GPHN: variants seen among roughly 807,000 people sequenced by gnomAD.
The protein encoded by GPHN is gephyrin.
In GPHN, 17 loss-of-function variants were observed where a neutral mutation model predicts 95.5. That is an observed-to-expected ratio of 0.18 (90% CI 0.12 to 0.27). GPHN has a LOEUF of 0.27. Among genes scored for constraint, GPHN ranks in the 10% least tolerant of loss-of-function variants. The pLI is 1.00. For missense variants in GPHN, 660 were observed against 978.1 expected (o/e 0.67, Z 4.34); for synonymous variants, 320 against 322.5 (o/e 0.99, Z 0.08).
chr14:67,688,285 G>A, the GPHN span, among the ~76,000 whole-genome samples: 2 of 152,002 alleles, frequency 1.3e-5, no homozygotes, highest in Admixed American at 1.3e-4. Flanking sequence ...ACAACAAAAA[G>A]GAAACAATCC....
At chr14:66,900,454 T>C (rs1229051291) in intron 5 of GPHN, among the ~76,000 whole-genome samples, 4 of 146,412 alleles carry the variant, frequency 2.7e-5, no homozygotes, top group African/African-American at 7.4e-5. Flanking sequence ...ATTTTTTTCT[T>C]TTTTTTTTAA....
the GPHN span, among the ~76,000 whole-genome samples, chr14:67,508,953 GAATT>G: frequency 6.6e-6 from 1 of 151,944 alleles, no homozygotes; most frequent in African/African-American, 2.4e-5. Flanking sequence ...CTCCACAGCT[GAATT>G]ATAATGATGG....
intron 13 of GPHN, among the ~76,000 whole-genome samples, chr14:67,109,097 T>C (rs2078218008): frequency 6.6e-6 from 1 of 152,184 alleles, no homozygotes; most frequent in South Asian, 2.1e-4. Context: ...TATTACTGAA[T>C]ACGTAAGCAA....
chr14:66,855,116 G>A (rs2062745402), intron 4 of GPHN, among the ~76,000 whole-genome samples: 1 of 152,000 alleles, frequency 6.6e-6, no homozygotes, highest in South Asian at 2.1e-4. Context: ...CTAAGTGTTG[G>A]GATTATAGGC....
At chr14:66,569,446 T>C (rs2060590103) in intron 1 of GPHN, among the ~76,000 whole-genome samples, 1 of 151,970 alleles carries the variant, frequency 6.6e-6, no homozygotes, top group African/African-American at 2.4e-5. Flanking sequence ...GCAGATCACT[T>C]GAGGTCAGGA....
At chr14:67,110,386 A>G in intron 14 of GPHN, 127 bp downstream of exon 14, 1 of 924,838 alleles carries the variant, frequency 1.1e-6, no homozygotes, top group Non-Finnish European at 1.8e-6. Context: ...GTTTTTGCTT[A>G]TGGTGGGATC....
intron 3 of GPHN, among the ~76,000 whole-genome samples, chr14:66,818,039 C>T (rs2061048365): frequency 6.6e-6 from 1 of 152,082 alleles, no homozygotes; most frequent in East Asian, 1.9e-4. Flanking sequence ...TATTTCTAAA[C>T]TTACTGACCA....
chr14:66,724,199 G>A (rs1440992325), intron 2 of GPHN, among the ~76,000 whole-genome samples: 1 of 152,102 alleles, frequency 6.6e-6, no homozygotes, highest in Non-Finnish European at 1.5e-5. Flanking sequence ...TACTCAATAT[G>A]AGGACCAGTG....
chr14:67,446,555 C>G, the GPHN span, among the ~76,000 whole-genome samples: 1 of 152,178 alleles, frequency 6.6e-6, no homozygotes, highest in African/African-American at 2.4e-5. Context: ...GCACGCCAGC[C>G]ACTGCAGTCC....
At chr14:67,560,381 A>G in the GPHN span, among the ~76,000 whole-genome samples, 3 of 152,186 alleles carry the variant, frequency 2.0e-5, no homozygotes. Flanking sequence ...GTGTGGTAAA[A>G]TATACATAAA....
At chr14:67,589,275 A>ATCT in the GPHN span, 1 of 880,776 alleles carries the variant, frequency 1.1e-6, no homozygotes, top group Non-Finnish European at 1.4e-6. Context: ...TAGTTTATTA[A>ATCT]TCTTATACAG....
intron 4 of GPHN, among the ~76,000 whole-genome samples, chr14:66,826,603 G>C (rs186100508): frequency 6.6e-6 from 1 of 152,198 alleles, no homozygotes; most frequent in African/African-American, 2.4e-5. Flanking sequence ...TGCATTTTCA[G>C]ATTCACTAAT....
At chr14:67,573,064 G>A in the GPHN span, among the ~76,000 whole-genome samples, 1 of 152,344 alleles carries the variant, frequency 6.6e-6, no homozygotes, top group Non-Finnish European at 1.5e-5. The surrounding 1 kb of genome is among the most constrained non-coding windows in gnomAD (Gnocchi z 4.8). Flanking sequence ...TAGCATGGGA[G>A]CCCTTCCTTG....
At chr14:66,629,221 A>G (rs559914116) in intron 1 of GPHN, among the ~76,000 whole-genome samples, 7 of 144,556 alleles carry the variant, frequency 4.8e-5, no homozygotes, top group Non-Finnish European at 9.0e-5. Context: ...ATATACATAT[A>G]TAAATATGTA....
At chr14:66,951,550 T>C (rs1394299160) in intron 8 of GPHN, among the ~76,000 whole-genome samples, 1 of 149,722 alleles carries the variant, frequency 6.7e-6, no homozygotes, top group African/African-American at 2.4e-5. Context: ...TAAAGAAACT[T>C]GCAAGCTGCT....
chr14:67,620,567 G>A, the GPHN span, among the ~76,000 whole-genome samples: 1 of 152,188 alleles, frequency 6.6e-6, no homozygotes, highest in Non-Finnish European at 1.5e-5. Flanking sequence ...TCCAGCGCGG[G>A]AGGTGGGGAG....
the GPHN span, chr14:67,473,989 A>C: frequency 1.1e-5 from 16 of 1,506,882 alleles, no homozygotes; most frequent in Non-Finnish European, 1.3e-5. The surrounding 1 kb of genome is among the most constrained non-coding windows in gnomAD (Gnocchi z 6.5). Flanking sequence ...GCGGTGGCTC[A>C]CGCCTATAAT....
At chr14:67,727,559 T>C in the GPHN span, 3 of 293,030 alleles carry the variant, frequency 1.0e-5, no homozygotes, top group Non-Finnish European at 2.0e-5. Flanking sequence ...CTTGGCTCAC[T>C]GCGACCTCTG....
the GPHN span, among the ~76,000 whole-genome samples, chr14:67,481,971 G>A: frequency 6.6e-6 from 1 of 152,238 alleles, no homozygotes; most frequent in African/African-American, 2.4e-5. Context: ...GTGTGAGCAA[G>A]GTTGAATGCA....
Sources: allele counts gnomAD v4.1 joint callset (sites outside exome capture counted in the v4.1 genomes callset), GRCh38; gene constraint gnomAD v4.1.1; non-coding constraint Gnocchi (gnomAD v3.1); transcripts MANE v1.5; gene names NCBI Gene and HGNC (gene_info 2026-07-23, HGNC 2026-07-21).